TG: variants seen among roughly 807,000 people sequenced by gnomAD.
TG encodes thyroid hormones.
In TG, 270 loss-of-function variants were observed where a neutral mutation model predicts 324.7. The observed-to-expected ratio is 0.83, with a 90% CI of 0.75 to 0.92. The LOEUF is 0.92. Ranked by LOEUF, TG falls within the 40% of genes least tolerant of loss-of-function variation. TG has a pLI of 0.00. For missense variants in TG, 3,591 were observed against 3,456.4 expected (o/e 1.04, Z -0.98); for synonymous variants, 1,401 against 1,327.0 (o/e 1.06, Z -1.21).
chr8:133,029,143 A>G (rs1224046445), intron 40 of TG, among the ~76,000 whole-genome samples: 1 of 152,334 alleles, frequency 6.6e-6, no homozygotes, highest in East Asian at 1.9e-4. Flanking sequence ...TGAATTCACA[A>G]GACAACGAGA....
intron 41 of TG, among the ~76,000 whole-genome samples, chr8:133,057,779 A>AAC (rs1327850233): frequency 1.3e-4 from 19 of 151,966 alleles, no homozygotes; most frequent in African/African-American, 2.7e-4. Context: ...AAAAACAAAA[A>AAC]AAAAAAAACA....
intron 21 of TG, among the ~76,000 whole-genome samples, chr8:132,920,791 C>G (rs536327210): frequency 3.3e-5 from 5 of 152,230 alleles, no homozygotes; most frequent in Admixed American, 1.3e-4. Context: ...CTAGACAAAG[C>G]TACCTTCCTC....
At chr8:133,113,731 C>T in intron 44 of TG, 128 bp downstream of exon 44, 1 of 1,092,368 alleles carries the variant, frequency 9.2e-7, no homozygotes, top group Non-Finnish European at 1.3e-6. Flanking sequence ...CTGCATCATT[C>T]ATTCAGCCTA....
intron 10 of TG, 119 bp from the exon 11 acceptor site, chr8:132,893,567 GGTGT>G (rs1009170339): frequency 1.1e-5 from 15 of 1,310,700 alleles, no homozygotes; most frequent in Non-Finnish European, 1.5e-5. Context: ...GTATGTGTGT[GGTGT>G]GTGTGTGTGG....
chr8:133,081,743 A>G (rs558363787), intron 41 of TG, among the ~76,000 whole-genome samples: 1 of 152,270 alleles, frequency 6.6e-6, no homozygotes, highest in African/African-American at 2.4e-5. Flanking sequence ...CAGCCATGCA[A>G]GGGTTGATGA....
At chr8:132,918,711 G>A (rs564310474) in intron 20 of TG, among the ~76,000 whole-genome samples, 30 of 152,278 alleles carry the variant, frequency 2.0e-4, no homozygotes, top group African/African-American at 7.0e-4. Flanking sequence ...CTGCTTGGCC[G>A]TCCTTAACCT....
At chr8:132,956,211 G>A (rs1263163082) in intron 27 of TG, among the ~76,000 whole-genome samples, 1 of 152,106 alleles carries the variant, frequency 6.6e-6, no homozygotes, top group African/African-American at 2.4e-5. Flanking sequence ...TGCGTGGGAA[G>A]GCAATGTTCT....
Position 133,133,543 on chromosome 8 carries a change from C to T in TG, c.8071C>T (p.Arg2691Cys), listed in dbSNP as rs764239765. The T allele has an allele frequency of 2.7e-5, 43 of 1,614,076 alleles. No homozygotes were observed. The highest frequency in any genetic ancestry group is 1.1e-4 in the East Asian group (5 of 44,890). ...AACCCCCTGGCCTGACTTTGTACCCCGTGCTGGTGGAGAGAACTACAAGGA... is the reference window on the plus strand; with the variant it reads ...AACCCCCTGGCCTGACTTTGTACCCTGTGCTGGTGGAGAGAACTACAAGGA... ...FATPWPDFVP[R>C]AGGENYKEFS... Residue 2691 changes from arginine to cysteine, a missense_variant, in exon 47 of 48, where the codon CGT (arginine) becomes TGT (cysteine). By Grantham distance (180) the Arg-to-Cys change is radical. Coordinates refer to ENST00000220616, the MANE Select transcript of TG (RefSeq NM_003235.5).
intron 10 of TG, 150 bp from the exon 11 acceptor site, chr8:132,893,540 G>A: frequency 1.0e-6 from 1 of 984,552 alleles, no homozygotes; most frequent in Non-Finnish European, 1.5e-6. Context: ...TATGTGTGTG[G>A]TGTAGGGGGG....
chr8:132,961,097 G>T, intron 28 of TG, 24 bp downstream of exon 28: 3 of 1,612,700 alleles, frequency 1.9e-6, no homozygotes, highest in African/African-American at 1.3e-5. Context: ...TGGAAGAGGG[G>T]GTTAGCAGGA....
intron 35 of TG, among the ~76,000 whole-genome samples, chr8:132,987,082 A>G (rs1831658876): frequency 6.6e-6 from 1 of 152,194 alleles, no homozygotes; most frequent in African/African-American, 2.4e-5. Flanking sequence ...AAGATGGAGC[A>G]TGGAGCATGT....
rs531027218 is a variant in TG at position 133,095,063 on chromosome 8, C to T, written c.7259C>T (p.Pro2420Leu). Residue 2420 changes from proline to leucine, a missense_variant, in exon 42 of 48, where the codon CCG becomes CTG. Coordinates refer to ENST00000220616, the MANE Select transcript of TG (RefSeq NM_003235.5). ...TTCCAGGGAGGCTCCGCACTCTCCC[C>T]GGCCGCCGTCATCAGCCATGAGAGG... ...AVLMGGSALSPAAVISHERAQ... is the reference protein window; with the variant it reads ...AVLMGGSALSLAAVISHERAQ... The T allele has an allele frequency of 4.2e-5, 68 of 1,613,848 alleles. No individual in the cohort carries two copies. Among genetic ancestry groups the T allele is most frequent in the Admixed American group, 1.8e-4 (11 of 60,022 alleles).
intron 43 of TG, among the ~76,000 whole-genome samples, chr8:133,108,459 A>C (rs1244423196): frequency 6.6e-6 from 1 of 152,194 alleles, no homozygotes; most frequent in Non-Finnish European, 1.5e-5. Flanking sequence ...AACAAAGACA[A>C]TAGACACAGT....
chr8:133,054,268 G>A (rs1388037315), intron 41 of TG, among the ~76,000 whole-genome samples: 2 of 152,092 alleles, frequency 1.3e-5, no homozygotes, highest in Non-Finnish European at 2.9e-5. Flanking sequence ...TGGAATTATT[G>A]CAGACTTAAG....
intron 35 of TG, among the ~76,000 whole-genome samples, chr8:132,991,545 G>T (rs1310997856): frequency 6.6e-6 from 1 of 152,152 alleles, no homozygotes; most frequent in Non-Finnish European, 1.5e-5. Context: ...ACGCACACAC[G>T]CACACAAGCC....
intron 3 of TG, 151 bp downstream of exon 3, chr8:132,869,977 A>G (rs1839331224): frequency 1.5e-6 from 1 of 665,086 alleles, no homozygotes; most frequent in African/African-American, 1.8e-5. Context: ...CCTGCAAGCC[A>G]TGGAAGGCCC....
rs151189024 is a variant in TG at position 132,923,641 on chromosome 8, A to T, written c.4699+133A>T. On this transcript the variant is annotated intron_variant, in intron 22 of 47. Coordinates refer to ENST00000220616, the MANE Select transcript of TG (RefSeq NM_003235.5). Reference sequence around the variant, plus strand: ...TGTTTTGAAAAATTTTAATCTGTGTAGAAGTTGGAAGAACCGCAAAATGAA... The same window carrying T: ...TGTTTTGAAAAATTTTAATCTGTGTTGAAGTTGGAAGAACCGCAAAATGAA... The T allele has an allele frequency of 2.0e-4, 216 of 1,071,974 alleles. 1 individual carries two copies. In the East Asian group the frequency reaches 4.7e-3, roughly 24 times the overall value. The allele number at this position is 1,071,974 out of a possible 1,614,324, so 66.4% of individuals were successfully genotyped here.
At chr8:133,104,736 G>A (rs118111873) in intron 43 of TG, among the ~76,000 whole-genome samples, 2,677 of 152,272 alleles carry the variant, frequency 0.018, 35 homozygotes, top group Non-Finnish European at 0.028. Flanking sequence ...GTGGAGTAAC[G>A]GGAAGGAAAG....
chr8:132,907,008 C>T lies in TG; in HGVS notation c.3847+108C>T, dbSNP rs73708398. The T allele has an allele frequency of 3.9e-3, 4,558 of 1,181,016 alleles. 78 individuals are homozygous for T. In the African/African-American group the frequency reaches 0.041, roughly 11 times the overall value. The allele number at this position is 1,181,016 out of a possible 1,614,324, so 73.2% of individuals were successfully genotyped here. A position where few individuals can be genotyped will look rare whatever the true frequency, so the allele number is the denominator to read the frequency against. On this transcript the variant is annotated intron_variant, in intron 17 of 47. Transcript: ENST00000220616. ...TCCATTTCCCCACCCAAATGTAGCA[C>T]GCTGGTGGTATGCCAGATGGCACCA...
Sources: allele counts gnomAD v4.1 joint callset (sites outside exome capture counted in the v4.1 genomes callset), GRCh38; gene constraint gnomAD v4.1.1; transcripts MANE v1.5; gene names NCBI Gene and HGNC (gene_info 2026-07-23, HGNC 2026-07-21).